Variants in MBP observed in about 807,000 individuals in gnomAD.
MBP encodes myelin basic protein.
Under a neutral mutation model 35.8 loss-of-function variants are expected in MBP, and 16 were observed. The ratio of observed to expected loss-of-function variants is 0.45; its 90% CI spans 0.30 to 0.68. The LOEUF (loss-of-function observed/expected upper bound fraction) is 0.68. MBP is among the 30% of genes least tolerant of loss of function. The pLI is 0.08. For missense variants in MBP, 380 were observed against 404.7 expected, an observed-to-expected ratio of 0.94 and a Z score of 0.52; for synonymous variants, 143 against 159.6, an observed-to-expected ratio of 0.90 and a Z score of 0.78.
intron 1 of MBP, among the ~76,000 whole-genome samples, chr18:77,120,437 G>T (rs571534053): frequency 2.0e-5 from 3 of 152,174 alleles, no homozygotes; most frequent in Admixed American, 6.5e-5. Flanking sequence ...CCTCAGCGTG[G>T]GGTGTTTTTC....
intron 4 of MBP, chr18:77,016,142 C>T: frequency 2.1e-6 from 2 of 969,454 alleles, no homozygotes; most frequent in Non-Finnish European, 2.4e-6. Context: ...GACTCTGGAC[C>T]CCATAGCAGA....
At chr18:77,036,117 G>A (rs977461859) in intron 3 of MBP, among the ~76,000 whole-genome samples, 17 of 151,554 alleles carry the variant, frequency 1.1e-4, no homozygotes, top group African/African-American at 3.9e-4. Context: ...GCAAGTGCTG[G>A]TCACATTTTG....
chr18:76,982,548 G>A (rs1420409265), intron 8 of MBP: 1 of 152,160 alleles, frequency 6.6e-6, no homozygotes, highest in African/African-American at 2.4e-5. Flanking sequence ...AGTGATGGGG[G>A]GACATGCATA....
At chr18:77,045,044 C>T (rs576959811) in intron 3 of MBP, among the ~76,000 whole-genome samples, 89 of 151,972 alleles carry the variant, frequency 5.9e-4, no homozygotes, top group Non-Finnish European at 9.4e-4. Context: ...CGGATAGATA[C>T]GATCTTGATG....
At chr18:77,014,437 G>A in intron 4 of MBP, 2 of 985,478 alleles carry the variant, frequency 2.0e-6, no homozygotes. Flanking sequence ...ACTGTGTGTG[G>A]GGCAGGCCGC....
Position 76,980,421 on chromosome 18 carries a change from G to A in MBP, c.*6C>T, listed in dbSNP as rs1969114644. ...TGAGGACAGGATTCCGGAACCAGGT[G>A]GGTTTTCAGCGTCTAGCCATGGGTG... On this transcript the variant is annotated 3_prime_UTR_variant, in exon 9 of 9. Coordinates refer to ENST00000355994, the MANE Select transcript of MBP (RefSeq NM_001025101.2). 6.2e-7 allele frequency: 1 copy of A among 1,612,794 alleles called. No individual in the cohort carries two copies. The highest frequency in any genetic ancestry group is 8.5e-7 in the Non-Finnish European group (1 of 1,178,856).
intron 8 of MBP, chr18:76,982,039 G>T (rs1221411616): frequency 6.6e-6 from 1 of 152,232 alleles, no homozygotes; most frequent in Non-Finnish European, 1.5e-5. Context: ...AAAATGGTGG[G>T]TGTATTGGTT....
chr18:77,130,260 C>A (rs183299793), intron 1 of MBP, among the ~76,000 whole-genome samples: 2 of 151,980 alleles, frequency 1.3e-5, no homozygotes, highest in African/African-American at 4.8e-5. Flanking sequence ...CGAGGAGCAC[C>A]TTTGCAAGGC....
Position 77,048,446 on chromosome 18 carries a change from A to G in MBP, c.139+17852T>C, listed in dbSNP as rs545425278. Among the ~76,000 whole-genome samples the G allele has an allele frequency of 2.2e-4, 33 of 152,302 alleles. 1 individual carries two copies. The highest frequency in any genetic ancestry group is 7.7e-4 in the African/African-American group (32 of 41,580). On this transcript the variant is annotated intron_variant, in intron 3 of 8. Transcript: ENST00000355994. ...TGGCATCTGACTTTATGCGTCCCTA[A>G]CAATCTCTGCAGGTAGGATCTTTTT...
chr18:77,082,081 T>C (rs889128153), intron 2 of MBP, among the ~76,000 whole-genome samples: 2 of 151,832 alleles, frequency 1.3e-5, no homozygotes, highest in Non-Finnish European at 2.9e-5. Flanking sequence ...TTCGATCTCC[T>C]GACCTTGTGA....
At chr18:77,059,400 ATTAT>A (rs1973871400) in intron 3 of MBP, among the ~76,000 whole-genome samples, 1 of 151,928 alleles carries the variant, frequency 6.6e-6, no homozygotes, top group Admixed American at 6.6e-5. Context: ...ATTAATTTTA[ATTAT>A]TAATTCAATT....
chr18:77,028,814 C>T lies in MBP; in HGVS notation c.140-11546G>A, dbSNP rs1456257114. 5.4e-5 allele frequency among the ~76,000 whole-genome samples: 4 copies of T among 73,434 alleles called. 1 individual carries two copies. The highest frequency in any genetic ancestry group is 7.8e-5 in the African/African-American group (2 of 25,614). The allele number at this position is 73,434 out of a possible 152,430, so 48.2% of individuals were successfully genotyped here. On this transcript the variant is annotated intron_variant, in intron 3 of 8. Coordinates refer to ENST00000355994, the MANE Select transcript of MBP (RefSeq NM_001025101.2). ...GCGGAGGGACTCCTGACTTCTCAGACGGGGCGGCCGGGCAGAGACGCTCCT... is the reference window on the plus strand; with the variant it reads ...GCGGAGGGACTCCTGACTTCTCAGATGGGGCGGCCGGGCAGAGACGCTCCT...
At chr18:77,036,872 G>A (rs1972792552) in intron 3 of MBP, among the ~76,000 whole-genome samples, 1 of 124,896 alleles carries the variant, frequency 8.0e-6, no homozygotes, top group Non-Finnish European at 1.6e-5. Flanking sequence ...CTGAGCAAGT[G>A]CTGGTCACGT....
intron 1 of MBP, among the ~76,000 whole-genome samples, chr18:77,107,950 A>G (rs28593671): frequency 0.046 from 6,949 of 152,292 alleles, 533 homozygotes; most frequent in African/African-American, 0.16. Flanking sequence ...TACTAGCAGG[A>G]AAAGAAAGAC....
At chr18:77,117,039 T>A (rs1347009053) in intron 1 of MBP, among the ~76,000 whole-genome samples, 1 of 152,214 alleles carries the variant, frequency 6.6e-6, no homozygotes, top group Non-Finnish European at 1.5e-5. Flanking sequence ...CTTGAAGTCC[T>A]GGATTTCTTA....
intron 1 of MBP, among the ~76,000 whole-genome samples, chr18:77,111,892 T>C (rs1177531611): frequency 6.6e-6 from 1 of 152,134 alleles, no homozygotes; most frequent in African/African-American, 2.4e-5. Context: ...AACTCATATA[T>C]AAAATAAAAC....
chr18:77,013,290 TTCTGTGTGCACACTGGGC>T lies in MBP; in HGVS notation c.576+3524_576+3541del, dbSNP rs775190190. The T allele has an allele frequency of 9.0e-5, 89 of 985,396 alleles. No homozygotes were observed. In the Middle Eastern group the frequency reaches 5.7e-3, roughly 64 times the overall value. The allele number at this position is 985,396 out of a possible 1,614,324, so 61.0% of individuals were successfully genotyped here. A position where few individuals can be genotyped will look rare whatever the true frequency, so the allele number is the denominator to read the frequency against. On this transcript the variant is annotated intron_variant, in intron 4 of 8. Transcript: ENST00000355994. Reference sequence around the variant, plus strand: ...TCACGATGAATGAGATTGAATTTGGTTCTGTGTGCACACTGGGCTCTGGGGAGGGAGGACACCCCTGTG... The same window carrying T: ...TCACGATGAATGAGATTGAATTTGGTTCTGGGGAGGGAGGACACCCCTGTG...
chr18:77,126,849 A>G (rs1977067181), intron 1 of MBP, among the ~76,000 whole-genome samples: 1 of 152,242 alleles, frequency 6.6e-6, no homozygotes, highest in Admixed American at 6.5e-5. Context: ...GAATCTGTGC[A>G]CTGAAATTTA....
At chr18:77,091,985 T>C (rs1022724822) in intron 2 of MBP, among the ~76,000 whole-genome samples, 2 of 152,242 alleles carry the variant, frequency 1.3e-5, no homozygotes, top group African/African-American at 4.8e-5. Context: ...TTGCCGAAGA[T>C]AGGGAACATC....
Sources: allele counts gnomAD v4.1 joint callset (sites outside exome capture counted in the v4.1 genomes callset), GRCh38; gene constraint gnomAD v4.1.1; transcripts MANE v1.5; gene names NCBI Gene and HGNC (gene_info 2026-07-23, HGNC 2026-07-21).